The following KCNIP4 variants were observed in gnomAD, a reference collection of about 807,000 sequenced individuals.
KCNIP4 encodes the protein Kv channel-interacting protein 4.
KCNIP4 carries 12 observed loss-of-function variants against 34.0 expected under a neutral mutation model. The observed-to-expected ratio is 0.35, with a 90% confidence interval of 0.23 to 0.57. The LOEUF is 0.57. KCNIP4 is among the 20% of genes least tolerant of loss of function. The pLI is 0.83. For synonymous variants in KCNIP4, 124 were observed against 102.2 expected (o/e 1.21, Z -1.29); for missense variants, 238 against 311.7 (o/e 0.76, Z 1.78).
chr4:21,607,675 C>T (rs550577773), intron 1 of KCNIP4, among the ~76,000 whole-genome samples: 2 of 151,916 alleles, frequency 1.3e-5, no homozygotes, highest in Non-Finnish European at 1.5e-5. Context: ...TGTAGCTCTG[C>T]CAGTTTTCTT....
chr4:21,050,224 C>T (rs1316001901), intron 1 of KCNIP4, among the ~76,000 whole-genome samples: 2 of 152,076 alleles, frequency 1.3e-5, no homozygotes, highest in Non-Finnish European at 2.9e-5. Context: ...ATCACAAGAT[C>T]GTTATACTTG....
At chr4:21,767,652 C>CA (rs1718511480) in intron 1 of KCNIP4, among the ~76,000 whole-genome samples, 1 of 151,900 alleles carries the variant, frequency 6.6e-6, no homozygotes, top group Non-Finnish European at 1.5e-5. Context: ...AGAAAACTTA[C>CA]AAAAAATTAC....
intron 1 of KCNIP4, among the ~76,000 whole-genome samples, chr4:21,900,562 C>A (rs28521854): frequency 0.086 from 13,101 of 152,210 alleles, 1,897 homozygotes; most frequent in African/African-American, 0.3. Context: ...GACTGGGAAC[C>A]AGGGACTTTC....
chr4:21,005,190 T>A (rs1738453936), intron 1 of KCNIP4, among the ~76,000 whole-genome samples: 1 of 152,148 alleles, frequency 6.6e-6, no homozygotes, highest in South Asian at 2.1e-4. Context: ...GGTTCCCAGA[T>A]TATAATGTTA....
At chr4:21,540,152 C>T (rs1373084876) in intron 1 of KCNIP4, among the ~76,000 whole-genome samples, 1 of 152,086 alleles carries the variant, frequency 6.6e-6, no homozygotes, top group African/African-American at 2.4e-5. Flanking sequence ...TTGAAAATCT[C>T]AATATTTCTT....
Position 20,984,155 on chromosome 4 carries a change from C to A in KCNIP4, c.62-101446G>T, listed in dbSNP as rs79736481. ...GGCATTTGGCTGGCGGGGCTTCCCC[C>A]CTGCTACCACAGCGCACGGACCTCT... On this transcript the variant is annotated intron_variant, in intron 1 of 8. Coordinates refer to ENST00000382152, the MANE Select transcript of KCNIP4 (RefSeq NM_025221.6). 3.3e-3 allele frequency: 1,881 copies of A among 576,228 alleles called. 23 individuals carry two copies. The East Asian group carries it at 0.037, about 11-fold the overall frequency. The allele number at this position is 576,228 out of a possible 1,614,324, so 35.7% of individuals were successfully genotyped here. A position where few individuals can be genotyped will look rare whatever the true frequency, so the allele number is the denominator to read the frequency against.
chr4:20,936,689 A>G (rs1577394780), intron 1 of KCNIP4, among the ~76,000 whole-genome samples: 1 of 152,046 alleles, frequency 6.6e-6, no homozygotes, highest in East Asian at 1.9e-4. Context: ...TTATTTGCAT[A>G]TGTCTGTATC....
At chr4:20,756,183 A>G (rs1754417284) in intron 4 of KCNIP4, among the ~76,000 whole-genome samples, 1 of 151,982 alleles carries the variant, frequency 6.6e-6, no homozygotes. Context: ...AAAAAAAAAA[A>G]AAGTGTTGGC....
intron 1 of KCNIP4, among the ~76,000 whole-genome samples, chr4:21,004,952 G>A (rs1017488576): frequency 2.0e-5 from 3 of 152,196 alleles, no homozygotes; most frequent in Middle Eastern, 3.4e-3. Context: ...AGGAAGAAGT[G>A]AATGTAGGGA....
chr4:21,309,954 T>C (rs1227273379), intron 1 of KCNIP4, among the ~76,000 whole-genome samples: 1 of 151,972 alleles, frequency 6.6e-6, no homozygotes, highest in East Asian at 1.9e-4. Context: ...ATGTAGATAC[T>C]AGGTGGTATT....
intron 1 of KCNIP4, among the ~76,000 whole-genome samples, chr4:21,450,229 T>C (rs1407268967): frequency 1.3e-5 from 2 of 152,122 alleles, no homozygotes; most frequent in African/African-American, 4.8e-5. Flanking sequence ...CAACAGATAA[T>C]GTAAATCTAT....
rs1207171779 is a variant in KCNIP4 at position 21,276,139 on chromosome 4, C to T, written c.62-393430G>A. Reference sequence around the variant, plus strand: ...CTGTCCAACCGGGTAACAAAATACCCTAGGAAAATAGTAGCTTTTATTCAC... The same window carrying T: ...CTGTCCAACCGGGTAACAAAATACCTTAGGAAAATAGTAGCTTTTATTCAC... On this transcript the variant is annotated intron_variant, in intron 1 of 8. Coordinates refer to ENST00000382152, the MANE Select transcript of KCNIP4 (RefSeq NM_025221.6). Among the ~76,000 whole-genome samples the T allele has an allele frequency of 2.6e-5, 4 of 152,164 alleles. No homozygotes were observed. The South Asian group carries it at 6.2e-4, about 24-fold the overall frequency.
At chr4:21,852,764 T>A (rs1406196416) in intron 1 of KCNIP4, 1 of 152,194 alleles carries the variant, frequency 6.6e-6, no homozygotes, top group African/African-American at 2.4e-5. Flanking sequence ...TTTCTGCATT[T>A]TCTATTCATA....
intron 1 of KCNIP4, among the ~76,000 whole-genome samples, chr4:21,923,938 G>A (rs1406291581): frequency 6.6e-6 from 1 of 152,150 alleles, no homozygotes; most frequent in Non-Finnish European, 1.5e-5. Flanking sequence ...CCAAATCCCA[G>A]CATTTTACCT....
intron 3 of KCNIP4, among the ~76,000 whole-genome samples, chr4:20,844,865 G>C (rs781253370): frequency 1.3e-5 from 2 of 152,020 alleles, no homozygotes; most frequent in Non-Finnish European, 2.9e-5. Flanking sequence ...GGTTCCTTTG[G>C]CTACAACATC....
intron 1 of KCNIP4, among the ~76,000 whole-genome samples, chr4:21,637,866 G>A (rs1392429436): frequency 2.0e-5 from 3 of 151,764 alleles, no homozygotes; most frequent in Non-Finnish European, 4.4e-5. Flanking sequence ...ATCATAAGTG[G>A]CTGAACGGCA....
At chr4:21,689,047 T>C (rs190349729) in intron 1 of KCNIP4, among the ~76,000 whole-genome samples, 2 of 152,164 alleles carry the variant, frequency 1.3e-5, no homozygotes, top group Admixed American at 1.3e-4. Context: ...TTATTTGCTG[T>C]ACTGGCAGGT....
intron 1 of KCNIP4, among the ~76,000 whole-genome samples, chr4:21,017,326 T>C (rs1259145102): frequency 6.6e-6 from 1 of 152,200 alleles, no homozygotes; most frequent in African/African-American, 2.4e-5. Context: ...TAGCTATTTA[T>C]CCTGATGCTC....
At chr4:21,660,191 T>C (rs1248567595) in intron 1 of KCNIP4, among the ~76,000 whole-genome samples, 6 of 152,178 alleles carry the variant, frequency 3.9e-5, no homozygotes, top group African/African-American at 7.2e-5. Context: ...TATACTTGTA[T>C]ATGTCCTCCT....
Sources: gnomAD v4.1 joint callset for allele counts (sites outside exome capture counted in the v4.1 genomes callset) on GRCh38, gnomAD v4.1.1 for gene constraint, MANE v1.5 for transcripts, NCBI Gene and HGNC (gene_info 2026-07-23, HGNC 2026-07-21) for gene names.